EPHA5: variants seen among roughly 807,000 people sequenced by gnomAD.
EPHA5 encodes ephrin type-A receptor 5.
A neutral mutation model predicts 105.0 loss-of-function variants in EPHA5; 60 were observed. That is an observed-to-expected ratio of 0.57 (90% confidence interval 0.46 to 0.71). EPHA5 has a LOEUF of 0.71. Among genes scored for constraint, EPHA5 ranks in the 30% least tolerant of loss-of-function variants. The pLI is 0.00. For missense variants in EPHA5, 1,218 were observed against 1,274.7 expected, an observed-to-expected ratio of 0.96 and a Z score of 0.68; for synonymous variants, 513 against 449.1, an observed-to-expected ratio of 1.14 and a Z score of -1.80.
intron 1 of EPHA5, among the ~76,000 whole-genome samples, chr4:65,652,051 T>A (rs1297637894): frequency 6.6e-6 from 1 of 152,196 alleles, no homozygotes; most frequent in South Asian, 2.1e-4. Flanking sequence ...ATCTTACATA[T>A]TGTTTTTATT....
At chr4:65,521,624 TG>T (rs35453683) in intron 3 of EPHA5, among the ~76,000 whole-genome samples, 6 of 152,032 alleles carry the variant, frequency 3.9e-5, no homozygotes, top group African/African-American at 9.7e-5. Flanking sequence ...TTTTTAATTT[TG>T]GGGGGTATCC....
chr4:65,486,861 A>G (rs777847606), intron 5 of EPHA5, among the ~76,000 whole-genome samples: 18 of 152,204 alleles, frequency 1.2e-4, no homozygotes, highest in African/African-American at 2.2e-4. Flanking sequence ...GTAATTCCCA[A>G]TGTTGGAAGT....
intron 3 of EPHA5, among the ~76,000 whole-genome samples, chr4:65,589,313 G>A (rs1467410609): frequency 6.6e-6 from 1 of 151,824 alleles, no homozygotes; most frequent in Non-Finnish European, 1.5e-5. Flanking sequence ...TTTTTCACCT[G>A]AATAAAGACT....
chr4:65,576,066 A>G (rs1740951269), intron 3 of EPHA5, among the ~76,000 whole-genome samples: 2 of 67,366 alleles, frequency 3.0e-5, no homozygotes, highest in Admixed American at 2.0e-4. Flanking sequence ...AAGAAAAGAA[A>G]AGAAAAGAAA....
intron 7 of EPHA5, among the ~76,000 whole-genome samples, chr4:65,411,966 C>T (rs778050699): frequency 1.1e-4 from 17 of 152,268 alleles, no homozygotes; most frequent in Admixed American, 2.6e-4. Flanking sequence ...CGGTGGCTGA[C>T]GCCTGTAATC....
In EPHA5 at chr4:65,492,255, G is replaced by C. The variant is rs1001438338; in HGVS notation, c.1067-1543C>G. On this transcript the variant is annotated intron_variant, in intron 4 of 16. Coordinates refer to ENST00000613740, the MANE Select transcript of EPHA5 (RefSeq NM_001281766.3). ...CTCTCTCTGTCGCCCGGGCTGAAAT[G>C]CACTGGAGTGATTTTGGCTCATTGC... Among the ~76,000 whole-genome samples, 5 of 152,136 alleles carry C rather than the reference G, an allele frequency of 3.3e-5. No homozygotes were observed. In the South Asian group the frequency reaches 6.2e-4, roughly 19 times the overall value.
intron 15 of EPHA5, among the ~76,000 whole-genome samples, chr4:65,333,558 T>C (rs1036903529): frequency 9.8e-5 from 10 of 101,832 alleles, no homozygotes; most frequent in Middle Eastern, 0.01. Flanking sequence ...TGTGTGTGTG[T>C]GTGTGTGTGT....
At chr4:65,659,418 C>G (rs146730826) in intron 1 of EPHA5, among the ~76,000 whole-genome samples, 1,885 of 148,372 alleles carry the variant, frequency 0.013, 40 homozygotes, top group African/African-American at 0.044. Context: ...GGGAACAGTT[C>G]TCCCCTTGTG....
intron 3 of EPHA5, among the ~76,000 whole-genome samples, chr4:65,563,256 T>A (rs938417506): frequency 1.3e-5 from 2 of 152,058 alleles, no homozygotes; most frequent in African/African-American, 4.8e-5. Flanking sequence ...CAGGTGCTGC[T>A]AAGGCGTTGA....
intron 14 of EPHA5, among the ~76,000 whole-genome samples, chr4:65,338,226 G>C (rs1196372565): frequency 6.6e-6 from 1 of 152,016 alleles, no homozygotes; most frequent in Non-Finnish European, 1.5e-5. Flanking sequence ...TAGATCGATA[G>C]AAGTTTATTT....
intron 5 of EPHA5, among the ~76,000 whole-genome samples, chr4:65,466,590 C>G (rs73822163): frequency 1.1e-3 from 170 of 152,202 alleles, no homozygotes; most frequent in African/African-American, 4.0e-3. Flanking sequence ...GGGACTGTTG[C>G]AATCTAGTTA....
At chr4:65,585,048 A>C (rs912400690) in intron 3 of EPHA5, among the ~76,000 whole-genome samples, 3 of 151,528 alleles carry the variant, frequency 2.0e-5, no homozygotes, top group Non-Finnish European at 4.4e-5. Flanking sequence ...GTACTTACCA[A>C]CGTGTTATCT....
At chr4:65,630,054 T>TAC (rs1255860530) in intron 2 of EPHA5, among the ~76,000 whole-genome samples, 6 of 131,486 alleles carry the variant, frequency 4.6e-5, no homozygotes, top group East Asian at 2.2e-4. Context: ...AGCCTCCCTC[T>TAC]ACACACACAC....
At chr4:65,414,203 C>T (rs1723175442) in intron 7 of EPHA5, 81 bp downstream of exon 7, 3 of 1,242,938 alleles carry the variant, frequency 2.4e-6, no homozygotes, top group Middle Eastern at 1.9e-4. Context: ...TGACAGAGTG[C>T]CCAGGGAGGG....
chr4:65,606,629 T>C (rs1578560207), intron 2 of EPHA5, among the ~76,000 whole-genome samples: 1 of 152,214 alleles, frequency 6.6e-6, no homozygotes, highest in Non-Finnish European at 1.5e-5. Context: ...GATTTTTCAC[T>C]AGCATTACAT....
intron 4 of EPHA5, among the ~76,000 whole-genome samples, chr4:65,492,512 C>T (rs1300667659): frequency 7.0e-6 from 1 of 142,220 alleles, no homozygotes; most frequent in Non-Finnish European, 1.5e-5. Flanking sequence ...AAAAGAACCC[C>T]TTAACTAAAA....
At chr4:65,583,712 A>G (rs1741860316) in intron 3 of EPHA5, among the ~76,000 whole-genome samples, 1 of 151,758 alleles carries the variant, frequency 6.6e-6, no homozygotes, top group Non-Finnish European at 1.5e-5. Context: ...GCTTGTGGTT[A>G]TCACCCTTCA....
At chr4:65,416,743 T>G (rs1315910892) in intron 6 of EPHA5, among the ~76,000 whole-genome samples, 4 of 152,184 alleles carry the variant, frequency 2.6e-5, no homozygotes, top group Non-Finnish European at 1.5e-5. Flanking sequence ...AATTGTACAT[T>G]GGCTCTCTCT....
intron 2 of EPHA5, among the ~76,000 whole-genome samples, chr4:65,635,600 A>T (rs980369770): frequency 6.6e-6 from 1 of 151,174 alleles, no homozygotes; most frequent in African/African-American, 2.4e-5. Flanking sequence ...CAGCTTACAG[A>T]AAAAAAAAGA....
Sources: gnomAD v4.1 joint callset for allele counts (sites outside exome capture counted in the v4.1 genomes callset) on GRCh38, gnomAD v4.1.1 for gene constraint, MANE v1.5 for transcripts, NCBI Gene and HGNC (gene_info 2026-07-23, HGNC 2026-07-21) for gene names.